The following SBNO2 variants were observed in gnomAD, a reference collection of about 807,000 sequenced individuals.
The protein encoded by SBNO2 is strawberry notch homolog 2.
SBNO2 carries 89 observed loss-of-function variants against 146.3 expected under a neutral mutation model. That is an observed-to-expected ratio of 0.61 (90% CI 0.51 to 0.73). The LOEUF (loss-of-function observed/expected upper bound fraction) is 0.73. Among genes scored for constraint, SBNO2 ranks in the 30% least tolerant of loss-of-function variants. The probability of loss-of-function intolerance (pLI) is 0.00; values close to 1 mark genes in which losing one functional copy is unlikely to be tolerated. For synonymous variants in SBNO2, 1,147 were observed against 892.6 expected, an observed-to-expected ratio of 1.29 and a Z score of -5.08; for missense variants, 2,092 against 2,003.7, an observed-to-expected ratio of 1.04 and a Z score of -0.84.
Position 1,108,182 on chromosome 19 carries a change from G to C in SBNO2, c.*38C>G, listed in dbSNP as rs768506621. The C allele has an allele frequency of 6.6e-7, 1 of 1,505,544 alleles. No homozygotes were observed. 93.3% of individuals were successfully genotyped at this position (1,505,544 alleles called of 1,614,324 possible). On this transcript the variant is annotated 3_prime_UTR_variant, in exon 32 of 32. Coordinates refer to ENST00000361757, the MANE Select transcript of SBNO2 (RefSeq NM_014963.3). ...CACCGCTGCTCCTAGGGGAGAAACG[G>C]TCCCTGTGTCTTGGGGCATGTTTCG...
intron 4 of SBNO2, among the ~76,000 whole-genome samples, chr19:1,141,017 A>G (rs140111550): frequency 0.026 from 3,647 of 137,804 alleles, 151 homozygotes; most frequent in African/African-American, 0.087. Flanking sequence ...TGGAGAAGAC[A>G]CACCCTGGAG....
At chr19:1,172,655 G>A (rs935933112) in intron 1 of SBNO2, among the ~76,000 whole-genome samples, 2 of 152,132 alleles carry the variant, frequency 1.3e-5, no homozygotes, top group Non-Finnish European at 2.9e-5. Flanking sequence ...TTTGAAGCCT[G>A]TAATCCCCGT....
intron 1 of SBNO2, among the ~76,000 whole-genome samples, chr19:1,160,518 G>A (rs958916356): frequency 2.0e-5 from 3 of 152,196 alleles, no homozygotes; most frequent in African/African-American, 7.2e-5. Context: ...AGAGGCAGCT[G>A]GCTGGAGCCA....
Position 1,111,539 on chromosome 19 carries a change from C to G in SBNO2, c.2776G>C (p.Gly926Arg). ...QTENKVPVPQ[G>R]YPGGVPTFFR... ...AAGGTGGGGACCCCTCCAGGGTATC[C>G]CTGGGGCACAGGCACTTTGTTCTCA... The change falls in exon 24 of 32, where the codon GGA (glycine) becomes CGA (arginine). Residue 926 changes from glycine (G) to arginine (R), a missense_variant. Physicochemically the swap from Gly to Arg is moderately radical, Grantham distance 125. Transcript: ENST00000361757. The G allele has an allele frequency of 4.4e-6, 7 of 1,593,414 alleles. No individual in the cohort carries two copies. Among genetic ancestry groups the G allele is most frequent in the Non-Finnish European group, 6.0e-6 (7 of 1,170,482 alleles).
intron 1 of SBNO2, among the ~76,000 whole-genome samples, chr19:1,163,821 G>C (rs1367807098): frequency 6.6e-6 from 1 of 152,212 alleles, no homozygotes; most frequent in African/African-American, 2.4e-5. Context: ...GAGGGCAGGA[G>C]CCGGGGTCCA....
rs145512336 is a variant in SBNO2, at chr19:1,153,726, C to T, written c.93+458G>A. 3.2e-4 allele frequency among the ~76,000 whole-genome samples: 49 copies of T among 152,092 alleles called. No individual in the cohort carries two copies. The East Asian group carries it at 9.5e-3, about 30-fold the overall frequency. ...CTAAGTTTGGTATCTTTAGCAGAAG[C>T]GAGGTTTCACTATGTTGGCCAGGCT... On this transcript the variant is annotated intron_variant, in intron 2 of 31. Transcript: ENST00000361757.
Position 1,108,326 on chromosome 19 carries a change from G to A in SBNO2, c.3995C>T (p.Ala1332Val), listed in dbSNP as rs774638900. 4 of 1,394,688 alleles carry A rather than the reference G, an allele frequency of 2.9e-6. 1 individual carries two copies. In the South Asian group the frequency reaches 5.8e-5, roughly 20 times the overall value. The allele number at this position is 1,394,688 out of a possible 1,614,324, so 86.4% of individuals were successfully genotyped here. ...SLHAGPPSEG[A>V]LGEGAGAGGA... is the part of the protein sequence containing the mutation. Reference sequence around the variant, plus strand: ...CCCCGCCCCCGCGCCCTCCCCCAGCGCGCCCTCGGAGGGCGGCCCCGCGTG... The same window carrying A: ...CCCCGCCCCCGCGCCCTCCCCCAGCACGCCCTCGGAGGGCGGCCCCGCGTG... The change falls in exon 32 of 32, where the codon GCG (alanine) becomes GTG (valine). Residue 1332 changes from alanine (A) to valine (V), a missense_variant. Physicochemically the swap from Ala to Val is moderately conservative, Grantham distance 64. Coordinates refer to ENST00000361757, the MANE Select transcript of SBNO2 (RefSeq NM_014963.3).
Position 1,108,980 on chromosome 19 carries a change from G to A in SBNO2, c.3426-11C>T, listed in dbSNP as rs1367084657. ...CGGCAGTGCCGGTTCCTGCGGACGA[G>A]ACGGGTCGTCTCGGCTCAGGCGGGT... On this transcript the variant is annotated splice_polypyrimidine_tract_variant and intron_variant, in intron 30 of 31. Coordinates refer to ENST00000361757, the MANE Select transcript of SBNO2 (RefSeq NM_014963.3). 2 of 1,512,048 alleles carry A rather than the reference G, an allele frequency of 1.3e-6. No individual in the cohort carries two copies. The highest frequency in any genetic ancestry group is 4.9e-5 in the East Asian group (2 of 40,916). 93.7% of individuals were successfully genotyped at this position (1,512,048 alleles called of 1,614,324 possible).
intron 1 of SBNO2, 44 bp from the exon 2 acceptor site, chr19:1,154,446 G>C (rs1426428832): frequency 5.1e-6 from 2 of 392,048 alleles, no homozygotes; most frequent in African/African-American, 4.2e-5. Flanking sequence ...AACGGTGGTG[G>C]AGAGTGGTGC....
chr19:1,163,699 C>T lies in SBNO2; in HGVS notation c.-126-9297G>A, dbSNP rs539639800. Among the ~76,000 whole-genome samples, 282 of 152,336 alleles carry T rather than the reference C, an allele frequency of 1.9e-3. 1 individual carries two copies. Among genetic ancestry groups the T allele is most frequent in the African/African-American group, 6.7e-3 (277 of 41,588 alleles). On this transcript the variant is annotated intron_variant, in intron 1 of 31. Coordinates refer to ENST00000361757, the MANE Select transcript of SBNO2 (RefSeq NM_014963.3). ...CTGCCACGCGCAGGCACAGGCCAGG[C>T]GGCGCCGGGGAAGCCTGGGGGCCCC...
At chr19:1,159,473 T>C (rs1412950407) in intron 1 of SBNO2, among the ~76,000 whole-genome samples, 2 of 67,210 alleles carry the variant, frequency 3.0e-5, no homozygotes, top group African/African-American at 1.3e-4. Context: ...CAAGGGACAG[T>C]TGGGGACAGC....
chr19:1,113,091 A>T (rs769282698), intron 19 of SBNO2, 142 bp from the exon 20 acceptor site: 43 of 932,794 alleles, frequency 4.6e-5, no homozygotes, highest in Non-Finnish European at 6.2e-5. Flanking sequence ...TGGGAAAGGG[A>T]GGGCGGGACT....
chr19:1,131,739 AG>A (rs1419463150), intron 4 of SBNO2, among the ~76,000 whole-genome samples: 1 of 152,164 alleles, frequency 6.6e-6, no homozygotes, highest in Non-Finnish European at 1.5e-5. Flanking sequence ...CAGGGGCAGA[AG>A]GAGGGGGACG....
chr19:1,112,415 G>A lies in SBNO2; in HGVS notation c.2502C>T (p.Ala834=), dbSNP rs746434948. The A allele has an allele frequency of 7.5e-6, 12 of 1,603,726 alleles. No homozygotes were observed. The African/African-American group carries it at 1.2e-4, about 16-fold the overall frequency. ...GGCCGGACTCACCGAACTGCTGGAT[G>A]GCGCGGTCGGCGCTCCACGGCAGCT... ...TLELPWSADR[A]IQQFGRTHRS... Residue 834 remains alanine, a synonymous_variant, in exon 21 of 32, where the codon GCC becomes GCT. Coordinates refer to ENST00000361757, the MANE Select transcript of SBNO2 (RefSeq NM_014963.3). This position sits in a 1 kb window ranked among gnomAD's most constrained non-coding sequence, Gnocchi z 5.9.
At chr19:1,113,436 T>C (rs1018597089) in intron 19 of SBNO2, 99 bp downstream of exon 19, 1 of 1,078,670 alleles carries the variant, frequency 9.3e-7, no homozygotes, top group African/African-American at 1.7e-5. Flanking sequence ...AGACGCAGAG[T>C]GACCAGCAGG....
chr19:1,123,513 G>C, intron 7 of SBNO2, 21 bp downstream of exon 7: 1 of 1,604,272 alleles, frequency 6.2e-7, no homozygotes. Context: ...TCCCAGGGCT[G>C]GGTGCAGCCG....
At chr19:1,154,127 G>T in intron 2 of SBNO2, 57 bp downstream of exon 2, 3 of 859,168 alleles carry the variant, frequency 3.5e-6, no homozygotes, top group Non-Finnish European at 4.6e-6. Context: ...GGCACTCGGA[G>T]CGGGGCAAGT....
intron 1 of SBNO2, among the ~76,000 whole-genome samples, chr19:1,162,593 A>G (rs775319379): frequency 6.6e-6 from 1 of 152,224 alleles, no homozygotes; most frequent in South Asian, 2.1e-4. Context: ...ACCAGCTGAC[A>G]TCGGCCTTGA....
In SBNO2 at chr19:1,122,519, G is replaced by C. The variant is rs763741136; in HGVS notation, c.954C>G (p.Arg318=). ...CCGTGGCTTCGATGTCCCGCAGGTC[G>C]CGCTCCGCATCGTACTTGAGGTCGT... ...VSNDLKYDAE[R]DLRDIEATGI... is the part of the protein sequence containing the mutation. Residue 318 remains arginine, a synonymous_variant, in exon 10 of 32, where the codon CGC becomes CGG. Transcript: ENST00000361757. 9.0e-6 allele frequency: 14 copies of C among 1,563,610 alleles called. No individual in the cohort carries two copies. Among genetic ancestry groups the C allele is most frequent in the Non-Finnish European group, 1.1e-5 (13 of 1,156,590 alleles).
Sources: gnomAD v4.1 joint callset for allele counts (sites outside exome capture counted in the v4.1 genomes callset) on GRCh38, gnomAD v4.1.1 for gene constraint, Gnocchi (gnomAD v3.1) non-coding constraint, MANE v1.5 for transcripts, NCBI Gene and HGNC (gene_info 2026-07-23, HGNC 2026-07-21) for gene names.